PRRC2C: variants seen among roughly 807,000 people sequenced by gnomAD.
The protein encoded by PRRC2C is proline rich coiled-coil 2C, also known as protein PRRC2C.
In PRRC2C, 72 loss-of-function variants were observed where a neutral mutation model predicts 317.2. That is an observed-to-expected ratio of 0.23 (90% CI 0.19 to 0.28). PRRC2C has a LOEUF of 0.28. Among genes scored for constraint, PRRC2C ranks in the 10% least tolerant of loss-of-function variants. The pLI is 1.00. For missense variants in PRRC2C, 3,074 were observed against 3,459.7 expected (o/e 0.89, Z 2.80); for synonymous variants, 1,296 against 1,205.9 (o/e 1.07, Z -1.55).
intron 12 of PRRC2C, among the ~76,000 whole-genome samples, chr1:171,533,360 ACTGC>A (rs1172175128): frequency 2.0e-5 from 3 of 152,232 alleles, no homozygotes; most frequent in Non-Finnish European, 4.4e-5. Flanking sequence ...TAATTAAATG[ACTGC>A]ACCTAGTTCA....
intron 24 of PRRC2C, among the ~76,000 whole-genome samples, chr1:171,572,307 A>G (rs1178031873): frequency 6.6e-6 from 1 of 152,106 alleles, no homozygotes; most frequent in Admixed American, 6.6e-5. Flanking sequence ...ATTTTTTTTA[A>G]GTCTATTTAT....
rs1173992104 is a variant in PRRC2C at position 171,513,011 on chromosome 1, A to C, written c.129A>C (p.Gly43=). The change falls in exon 3 of 35, where the codon GGA becomes GGC. Residue 43 remains glycine (G), a synonymous_variant. Transcript: ENST00000647382. The stretch of plus-strand genomic sequence containing the variant: ...GATCTTTAGTTGCAGCTCGACATGG[A>C]TTACAGAGTCTTGGAAAAGTCGGTA... The part of the protein sequence containing the change: ...TQKTTVAARH[G]LQSLGKVGIS... 6.2e-7 allele frequency: 1 copy of C among 1,611,244 alleles called. No homozygotes were observed.
chr1:171,549,624 C>T (rs191527548), intron 17 of PRRC2C, among the ~76,000 whole-genome samples: 160 of 152,264 alleles, frequency 1.1e-3, no homozygotes, highest in Admixed American at 2.8e-3. Context: ...TGCAGTGGCA[C>T]GGTCTCAGCT....
chr1:171,560,110 G>A (rs1182176208), intron 19 of PRRC2C, among the ~76,000 whole-genome samples: 3 of 152,202 alleles, frequency 2.0e-5, no homozygotes, highest in Non-Finnish European at 4.4e-5. Flanking sequence ...TCTGGGCAAA[G>A]AAATTTGAAA....
In PRRC2C at chr1:171,576,400, A is replaced by G. The variant is rs533049917; in HGVS notation, c.6956-1034A>G. On this transcript the variant is annotated intron_variant, in intron 25 of 34. Coordinates refer to ENST00000647382, the MANE Select transcript of PRRC2C (RefSeq NM_001387844.1). ...TCATCCTACTGGTAGATGATTCACT[A>G]GAAGGATAGAAGCACTTGAATTTTG... Among the ~76,000 whole-genome samples the G allele has an allele frequency of 6.7e-4, 102 of 152,180 alleles. 1 individual carries two copies. Among genetic ancestry groups the G allele is most frequent in the Non-Finnish European group, 1.1e-3 (75 of 68,032 alleles).
At chr1:171,587,329 C>T in intron 31 of PRRC2C, 108 bp downstream of exon 31, 1 of 1,020,390 alleles carries the variant, frequency 9.8e-7, no homozygotes, top group African/African-American at 1.6e-5. Flanking sequence ...TTTTACCACC[C>T]TGCAAAAATC....
intron 11 of PRRC2C, among the ~76,000 whole-genome samples, chr1:171,529,619 A>G (rs924884173): frequency 6.6e-6 from 1 of 152,134 alleles, no homozygotes; most frequent in Non-Finnish European, 1.5e-5. Flanking sequence ...CCTTTGAACT[A>G]TTGGAGTGGG....
chr1:171,555,743 G>C (rs1466679110), intron 18 of PRRC2C, among the ~76,000 whole-genome samples: 1 of 152,184 alleles, frequency 6.6e-6, no homozygotes, highest in Non-Finnish European at 1.5e-5. Context: ...AGGTCTGTTG[G>C]AATTTGCTGG....
chr1:171,537,565 C>T, intron 15 of PRRC2C, 92 bp downstream of exon 15: 1 of 1,128,900 alleles, frequency 8.9e-7, no homozygotes, highest in Non-Finnish European at 1.3e-6. Context: ...CAATTTAGGA[C>T]TGAAGCATAA....
chr1:171,562,474 G>A (rs564714135), intron 20 of PRRC2C, among the ~76,000 whole-genome samples: 203 of 152,316 alleles, frequency 1.3e-3, no homozygotes, highest in African/African-American at 4.7e-3. Flanking sequence ...TAGAAGTTAC[G>A]ATATTACAAT....
At chr1:171,512,285 A>G (rs1397939290) in intron 2 of PRRC2C, 85 bp downstream of exon 2, 3 of 972,722 alleles carry the variant, frequency 3.1e-6, no homozygotes, top group East Asian at 2.8e-5. Context: ...AGAAGCTAGG[A>G]TGTACCCAAG....
Position 171,548,086 on chromosome 1 carries a change from C to G in PRRC2C, c.4973-2000C>G, listed in dbSNP as rs535413243. On this transcript the variant is annotated intron_variant, in intron 17 of 34. Coordinates refer to ENST00000647382, the MANE Select transcript of PRRC2C (RefSeq NM_001387844.1). ...GTTCAAGCGATTCTCCTACCTCAAC[C>G]TTCTGAATAGGTGGGACTACAGGCG... Among the ~76,000 whole-genome samples the G allele has an allele frequency of 4.0e-3, 616 of 152,300 alleles. 6 individuals are homozygous for G. Among genetic ancestry groups the G allele is most frequent in the Non-Finnish European group, 5.0e-3 (341 of 68,024 alleles).
intron 20 of PRRC2C, 57 bp from the exon 21 acceptor site, chr1:171,566,176 A>G: frequency 7.1e-7 from 1 of 1,415,892 alleles, no homozygotes; most frequent in Admixed American, 2.1e-5. Flanking sequence ...GTGCTTCATA[A>G]ATCAGTCACA....
At chr1:171,533,833 A>G (rs1676311870) in intron 12 of PRRC2C, among the ~76,000 whole-genome samples, 1 of 152,214 alleles carries the variant, frequency 6.6e-6, no homozygotes, top group Non-Finnish European at 1.5e-5. Flanking sequence ...TATGTTGGCT[A>G]GCATAGCCTC....
intron 6 of PRRC2C, among the ~76,000 whole-genome samples, chr1:171,520,097 G>A (rs977020876): frequency 3.3e-5 from 5 of 152,104 alleles, no homozygotes; most frequent in Non-Finnish European, 5.9e-5. Context: ...CAAGTAGCTG[G>A]GATTACAGGG....
chr1:171,500,312 A>G (rs1241783401), intron 1 of PRRC2C, among the ~76,000 whole-genome samples: 3 of 152,248 alleles, frequency 2.0e-5, no homozygotes, highest in Non-Finnish European at 4.4e-5. Flanking sequence ...TGAGTACCAA[A>G]GGAATTTGAG....
intron 30 of PRRC2C, among the ~76,000 whole-genome samples, chr1:171,586,585 A>T (rs1650066564): frequency 7.9e-6 from 1 of 126,468 alleles, no homozygotes. Context: ...ATTTTATTTT[A>T]TTTTATTTTA....
intron 1 of PRRC2C, among the ~76,000 whole-genome samples, chr1:171,503,739 A>G (rs938398100): frequency 6.6e-6 from 1 of 152,212 alleles, no homozygotes; most frequent in Non-Finnish European, 1.5e-5. Flanking sequence ...GGCTAAAGAC[A>G]TACCCAAGAC....
chr1:171,532,661 CAAG>C lies in PRRC2C; in HGVS notation c.1576_1578del (p.Glu526del). The C allele has an allele frequency of 6.4e-7, 1 of 1,550,842 alleles. No individual in the cohort carries two copies. The highest frequency in any genetic ancestry group is 8.7e-7 in the Non-Finnish European group (1 of 1,146,874). ...GCGTGAGAAAGAACTTGAAAAAGAA[CAAG>C]AACAGGAGCGAGAGAAGGAGAGGGA... On this transcript the variant is annotated inframe_deletion, in exon 12 of 35. Transcript: ENST00000647382.
Sources: allele counts gnomAD v4.1 joint callset (sites outside exome capture counted in the v4.1 genomes callset), GRCh38; gene constraint gnomAD v4.1.1; transcripts MANE v1.5; gene names NCBI Gene and HGNC (gene_info 2026-07-23, HGNC 2026-07-21).